Variants in ADAMTSL1 observed in about 807,000 individuals in gnomAD.
The protein encoded by ADAMTSL1 is ADAMTS-like protein 1.
A neutral mutation model predicts 201.8 loss-of-function variants in ADAMTSL1; 126 were observed. The ratio of observed to expected loss-of-function variants is 0.62; its 90% CI spans 0.54 to 0.72. ADAMTSL1 has a LOEUF of 0.72. ADAMTSL1 is among the 30% of genes least tolerant of loss of function. The pLI, the probability that ADAMTSL1 is intolerant of heterozygous loss-of-function variation, is 0.00. For synonymous variants in ADAMTSL1, 1,121 were observed against 903.4 expected (o/e 1.24, Z -4.32); for missense variants, 2,679 against 2,277.8 (o/e 1.18, Z -3.59).
At chr9:18,099,507 T>TTTCTGTTTC (rs1346027003) in intron 1 of ADAMTSL1, among the ~76,000 whole-genome samples, 1 of 150,572 alleles carries the variant, frequency 6.6e-6, no homozygotes, top group Non-Finnish European at 1.5e-5. Context: ...TATAGTGTTT[T>TTTCTGTTTC]TTCTGTTTCT....
At chr9:18,721,691 T>C in intron 15 of ADAMTSL1, 26 bp downstream of exon 15, 2 of 1,612,094 alleles carry the variant, frequency 1.2e-6, no homozygotes, top group Non-Finnish European at 1.7e-6. Context: ...CCTGCCCTGC[T>C]GTCCAGGGGC....
At chr9:18,368,000 C>T (rs377668180) in intron 2 of ADAMTSL1, among the ~76,000 whole-genome samples, 1 of 151,970 alleles carries the variant, frequency 6.6e-6, no homozygotes, top group African/African-American at 2.4e-5. Context: ...CCCGGGTTCA[C>T]GCCATTCTCC....
chr9:17,946,606 A>G (rs1009781356), intron 1 of ADAMTSL1, among the ~76,000 whole-genome samples: 53 of 152,246 alleles, frequency 3.5e-4, no homozygotes, highest in African/African-American at 1.2e-3. Context: ...TTCTAATTAA[A>G]AATAGGAATT....
chr9:18,107,914 G>C (rs1824830195), intron 1 of ADAMTSL1, among the ~76,000 whole-genome samples: 2 of 152,098 alleles, frequency 1.3e-5, no homozygotes, highest in African/African-American at 4.8e-5. Flanking sequence ...GAGCCCTCCA[G>C]CACAGTTTCC....
At chr9:18,819,856 G>C (rs62549126) in intron 21 of ADAMTSL1, among the ~76,000 whole-genome samples, 3,746 of 152,316 alleles carry the variant, frequency 0.025, 142 homozygotes, top group African/African-American at 0.085. Context: ...CAGTGAATTT[G>C]CTGGACAAGG....
At chr9:18,512,588 C>A (rs1364110803) in intron 2 of ADAMTSL1, among the ~76,000 whole-genome samples, 1 of 152,000 alleles carries the variant, frequency 6.6e-6, no homozygotes, top group African/African-American at 2.4e-5. Flanking sequence ...ATAGAAATCC[C>A]AAAGGGCCAG....
chr9:18,250,712 G>C (rs1831431767), intron 2 of ADAMTSL1, among the ~76,000 whole-genome samples: 1 of 152,100 alleles, frequency 6.6e-6, no homozygotes, highest in South Asian at 2.1e-4. Flanking sequence ...CTTGCTCGTG[G>C]AAGAGGGGGC....
chr9:18,706,961 G>A lies in ADAMTSL1; in HGVS notation c.1789G>A (p.Gly597Arg), dbSNP rs549910924. ...IPEFNPDETD[G>R]LFGGLQDFDE... Reference sequence around the variant, plus strand: ...TGAGTTCAACCCAGACGAGACAGATGGGCTCTTTGGTGGCCTGCAGGATTT... The same window carrying A: ...TGAGTTCAACCCAGACGAGACAGATAGGCTCTTTGGTGGCCTGCAGGATTT... The change falls in exon 14 of 29, where the codon GGG (glycine) becomes AGG (arginine). Residue 597 changes from glycine to arginine, a missense_variant. Transcript: ENST00000380548. The A allele has an allele frequency of 6.2e-7, 1 of 1,613,958 alleles. No individual in the cohort carries two copies. Among genetic ancestry groups the A allele is most frequent in the South Asian group, 1.1e-5 (1 of 91,070 alleles).
chr9:18,351,961 A>G (rs555586800), intron 2 of ADAMTSL1, among the ~76,000 whole-genome samples: 1 of 152,312 alleles, frequency 6.6e-6, no homozygotes, highest in South Asian at 2.1e-4. Flanking sequence ...TTGTTTAATT[A>G]CAGTCAATCA....
intron 1 of ADAMTSL1, among the ~76,000 whole-genome samples, chr9:18,157,359 A>G (rs1420859671): frequency 6.6e-6 from 1 of 151,970 alleles, no homozygotes; most frequent in African/African-American, 2.4e-5. Context: ...CAAGGTGTAG[A>G]TATCTATCTA....
intron 8 of ADAMTSL1, 136 bp from the exon 9 acceptor site, chr9:18,661,799 T>G: frequency 1.1e-6 from 1 of 909,102 alleles, no homozygotes; most frequent in Non-Finnish European, 1.6e-6. Flanking sequence ...AGCCTTCCAA[T>G]TATGTGTCTT....
intron 26 of ADAMTSL1, among the ~76,000 whole-genome samples, chr9:18,893,665 C>CAA (rs1422588182): frequency 6.6e-6 from 1 of 152,184 alleles, no homozygotes; most frequent in African/African-American, 2.4e-5. Context: ...AGATTGCAGA[C>CAA]AAATACTTCA....
At chr9:18,174,371 AT>A (rs1828043672) in intron 2 of ADAMTSL1, among the ~76,000 whole-genome samples, 1 of 152,114 alleles carries the variant, frequency 6.6e-6, no homozygotes, top group Non-Finnish European at 1.5e-5. Flanking sequence ...GTGGTTGGGG[AT>A]TCTTCTAGTG....
intron 1 of ADAMTSL1, among the ~76,000 whole-genome samples, chr9:18,145,129 CA>C (rs1399205946): frequency 6.6e-6 from 1 of 152,104 alleles, no homozygotes; most frequent in Non-Finnish European, 1.5e-5. Context: ...AGAGGTGAAA[CA>C]ACTCTTAGTG....
chr9:18,494,882 A>G (rs867785124), intron 1 of ADAMTSL1, among the ~76,000 whole-genome samples: 9 of 152,346 alleles, frequency 5.9e-5, no homozygotes, highest in Non-Finnish European at 1.2e-4. Context: ...GAGCCATAGA[A>G]AATCTCCTAG....
chr9:18,901,351 C>CATATAT (rs1234279458), intron 26 of ADAMTSL1, among the ~76,000 whole-genome samples: 1 of 152,066 alleles, frequency 6.6e-6, no homozygotes, highest in African/African-American at 2.4e-5. Context: ...GCCACCTGAA[C>CATATAT]ATATAAAGAC....
intron 1 of ADAMTSL1, among the ~76,000 whole-genome samples, chr9:18,039,958 A>G (rs754915274): frequency 6.6e-6 from 1 of 152,180 alleles, no homozygotes; most frequent in Non-Finnish European, 1.5e-5. Flanking sequence ...GCTACTATAT[A>G]TTGCTATGAC....
At chr9:18,508,320 T>C (rs1257126961) in intron 2 of ADAMTSL1, among the ~76,000 whole-genome samples, 2 of 152,230 alleles carry the variant, frequency 1.3e-5, no homozygotes, top group African/African-American at 4.8e-5. Flanking sequence ...TTTATTAATA[T>C]GATTTTAGCC....
At position 18,060,099 on chromosome 9, in the gene ADAMTSL1, G is replaced by A. The variant is rs144659180; in HGVS notation, c.88-103763G>A. Among the ~76,000 whole-genome samples, 711 of 152,228 alleles carry A rather than the reference G, an allele frequency of 4.7e-3. 4 individuals carry two copies. Among genetic ancestry groups the A allele is most frequent in the African/African-American group, 0.016 (679 of 41,542 alleles). The stretch of plus-strand genomic sequence containing the variant: ...CTGTTGTGACTTACCTATCCTTCCA[G>A]AGTTGGTTTATTCTTGTGCTTGCTT... On this transcript the variant is annotated intron_variant, in intron 1 of 29. Coordinates refer to the ADAMTSL1 transcript ENST00000680146.
Sources: gnomAD v4.1 joint callset for allele counts (sites outside exome capture counted in the v4.1 genomes callset) on GRCh38, gnomAD v4.1.1 for gene constraint, MANE v1.5 for transcripts, NCBI Gene and HGNC (gene_info 2026-07-23, HGNC 2026-07-21) for gene names.